Variants in TMEM163 observed in about 807,000 individuals in gnomAD.
TMEM163 encodes the protein transmembrane protein 163.
In TMEM163, 17 loss-of-function variants were observed where a neutral mutation model predicts 29.3. The ratio of observed to expected loss-of-function variants is 0.58; its 90% CI spans 0.40 to 0.87. The LOEUF is 0.87. Among genes scored for constraint, TMEM163 ranks in the 40% least tolerant of loss-of-function variants. The pLI is 0.00. For synonymous variants in TMEM163, 157 were observed against 160.6 expected (o/e 0.98, Z 0.17); for missense variants, 303 against 381.5 (o/e 0.79, Z 1.71).
chr2:134,572,840 T>C (rs1681464693), intron 2 of TMEM163, among the ~76,000 whole-genome samples: 1 of 152,220 alleles, frequency 6.6e-6, no homozygotes, highest in South Asian at 2.1e-4. Flanking sequence ...GCAATATTCC[T>C]GAAATTAGAG....
intron 2 of TMEM163, among the ~76,000 whole-genome samples, chr2:134,689,913 G>GGTTT (rs71400515): frequency 0.044 from 6,650 of 151,420 alleles, 374 homozygotes; most frequent in African/African-American, 0.13. Context: ...GCTCCTTTGC[G>GGTTT]GTTTGTTTGT....
chr2:134,504,274 T>C (rs1679767407), intron 4 of TMEM163, among the ~76,000 whole-genome samples: 1 of 152,146 alleles, frequency 6.6e-6, no homozygotes, highest in Non-Finnish European at 1.5e-5. Context: ...CACTGTGGTG[T>C]AGGTTTTATT....
intron 2 of TMEM163, among the ~76,000 whole-genome samples, chr2:134,598,020 G>T (rs188801611): frequency 5.7e-4 from 87 of 152,098 alleles, no homozygotes; most frequent in African/African-American, 2.0e-3. Flanking sequence ...TATTAGTCTT[G>T]CTAGCAGTCT....
chr2:134,681,568 C>T (rs527996985), intron 2 of TMEM163, among the ~76,000 whole-genome samples: 1 of 152,056 alleles, frequency 6.6e-6, no homozygotes, highest in Admixed American at 6.6e-5. Context: ...CCCATGCAAA[C>T]AGGAATAGAA....
intron 2 of TMEM163, among the ~76,000 whole-genome samples, chr2:134,640,743 C>T (rs1160957246): frequency 2.0e-5 from 3 of 152,190 alleles, no homozygotes; most frequent in South Asian, 2.1e-4. Context: ...ACTACACCCA[C>T]GCTCAGCCAA....
chr2:134,490,802 C>T (rs146239429), intron 5 of TMEM163, among the ~76,000 whole-genome samples: 15 of 152,186 alleles, frequency 9.9e-5, no homozygotes, highest in East Asian at 1.9e-4. Context: ...AGCTCACAGA[C>T]GCCGCTTTGC....
intron 5 of TMEM163, among the ~76,000 whole-genome samples, chr2:134,480,977 A>G (rs917127659): frequency 1.3e-5 from 2 of 152,218 alleles, no homozygotes; most frequent in Non-Finnish European, 2.9e-5. Context: ...TGACCCCCGA[A>G]GTTCCTTCAC....
At chr2:134,558,176 T>A (rs1433279312) in intron 2 of TMEM163, among the ~76,000 whole-genome samples, 2 of 152,142 alleles carry the variant, frequency 1.3e-5, no homozygotes, top group Admixed American at 1.3e-4. Context: ...TCTGAATCCA[T>A]CTTTCTAGGT....
At chr2:134,718,595 G>T in intron 1 of TMEM163, 139 bp downstream of exon 1, 1 of 564,206 alleles carries the variant, frequency 1.8e-6, no homozygotes, top group Non-Finnish European at 2.4e-6. Context: ...GGCTAGCGGC[G>T]TTCTCGCCGG....
At chr2:134,618,409 T>C (rs1382228488) in intron 2 of TMEM163, among the ~76,000 whole-genome samples, 1 of 152,098 alleles carries the variant, frequency 6.6e-6, no homozygotes, top group Non-Finnish European at 1.5e-5. Flanking sequence ...ACACATGTAG[T>C]CAAAACTAAC....
rs546412554 is a variant in TMEM163, at chr2:134,641,308, T to C, written c.322+71892A>G. 5.9e-5 allele frequency among the ~76,000 whole-genome samples: 9 copies of C among 152,302 alleles called. No individual in the cohort carries two copies. The East Asian group carries it at 1.7e-3, about 29-fold the overall frequency. ...GACTGTAAGAAAAAATGGACTCTGA[T>C]TCCCACCTCACACCATATACAAATA... On this transcript the variant is annotated intron_variant, in intron 2 of 7. Coordinates refer to ENST00000281924, the MANE Select transcript of TMEM163 (RefSeq NM_030923.5).
intron 2 of TMEM163, among the ~76,000 whole-genome samples, chr2:134,686,403 T>C (rs1160789160): frequency 6.6e-6 from 1 of 152,140 alleles, no homozygotes; most frequent in Non-Finnish European, 1.5e-5. Flanking sequence ...AGGATGGTGG[T>C]GGCTTCCAGG....
intron 6 of TMEM163, among the ~76,000 whole-genome samples, chr2:134,463,505 A>G (rs901221731): frequency 1.3e-5 from 2 of 152,194 alleles, no homozygotes; most frequent in African/African-American, 4.8e-5. Context: ...AGGACAATGT[A>G]TTAGGGTCAA....
intron 2 of TMEM163, among the ~76,000 whole-genome samples, chr2:134,671,432 A>G (rs7575742): frequency 0.65 from 97,993 of 151,848 alleles, 32,906 homozygotes; most frequent in African/African-American, 0.79. Context: ...TCCCTCTCCC[A>G]TGTCTGGCCA....
intron 2 of TMEM163, among the ~76,000 whole-genome samples, chr2:134,647,835 G>A (rs760659114): frequency 5.9e-5 from 9 of 152,216 alleles, no homozygotes; most frequent in Non-Finnish European, 1.5e-5. Context: ...CAGGTGAGTA[G>A]GTGCAGGAGC....
chr2:134,630,642 A>G (rs921381152), intron 2 of TMEM163, among the ~76,000 whole-genome samples: 2 of 152,102 alleles, frequency 1.3e-5, no homozygotes, highest in African/African-American at 4.8e-5. Context: ...GAGAAATCAG[A>G]TGTTGCTGAG....
At chr2:134,477,788 T>G (rs1574161693) in intron 5 of TMEM163, among the ~76,000 whole-genome samples, 1 of 152,202 alleles carries the variant, frequency 6.6e-6, no homozygotes, top group Non-Finnish European at 1.5e-5. Flanking sequence ...TGGAAGAACA[T>G]GGACCTCATA....
At chr2:134,547,563 C>T (rs1303921050) in intron 4 of TMEM163, among the ~76,000 whole-genome samples, 1 of 152,226 alleles carries the variant, frequency 6.6e-6, no homozygotes, top group East Asian at 1.9e-4. Flanking sequence ...CTCATTTATG[C>T]TCATTAATAG....
At chr2:134,580,957 T>G (rs1034904351) in intron 2 of TMEM163, among the ~76,000 whole-genome samples, 3 of 152,132 alleles carry the variant, frequency 2.0e-5, no homozygotes, top group African/African-American at 7.2e-5. Context: ...GGATGGTGGT[T>G]CTGGGTTTGA....
Sources: gnomAD v4.1 joint callset for allele counts (sites outside exome capture counted in the v4.1 genomes callset) on GRCh38, gnomAD v4.1.1 for gene constraint, MANE v1.5 for transcripts, NCBI Gene and HGNC (gene_info 2026-07-23, HGNC 2026-07-21) for gene names.